Variants in COL24A1 observed in about 807,000 individuals in gnomAD.
The protein encoded by COL24A1 is collagen type XXIV alpha 1 chain.
Under a neutral mutation model 253.9 loss-of-function variants are expected in COL24A1, and 224 were observed. That is an observed-to-expected ratio of 0.88 (90% CI 0.79 to 0.99). The LOEUF is 0.99. Ranked by LOEUF, COL24A1 falls within the 50% of genes least tolerant of loss-of-function variation. The pLI is 0.00. For missense variants in COL24A1, 2,131 were observed against 2,068.5 expected, an observed-to-expected ratio of 1.03 and a Z score of -0.59; for synonymous variants, 685 against 673.7, an observed-to-expected ratio of 1.02 and a Z score of -0.26.
intron 53 of COL24A1, among the ~76,000 whole-genome samples, chr1:85,775,107 T>C (rs1031113404): frequency 6.6e-6 from 1 of 152,238 alleles, no homozygotes; most frequent in Non-Finnish European, 1.5e-5. Context: ...CATCTTTATT[T>C]CTGCCTTTAT....
At chr1:85,959,049 A>T (rs1352942920) in intron 24 of COL24A1, among the ~76,000 whole-genome samples, 1 of 152,178 alleles carries the variant, frequency 6.6e-6, no homozygotes, top group Non-Finnish European at 1.5e-5. Context: ...ATACAAAAAG[A>T]TTGAACAAAG....
chr1:85,782,344 T>C (rs995476082), intron 51 of COL24A1, among the ~76,000 whole-genome samples: 3 of 152,240 alleles, frequency 2.0e-5, no homozygotes, highest in Non-Finnish European at 2.9e-5. Flanking sequence ...CGCCTTGGCC[T>C]CCCAAAGTGC....
chr1:86,065,922 G>T (rs1701442043), intron 7 of COL24A1, among the ~76,000 whole-genome samples: 2 of 152,092 alleles, frequency 1.3e-5, no homozygotes, highest in South Asian at 2.1e-4. Context: ...GGAAGAGTAG[G>T]GTCGCTGAGA....
At chr1:85,748,566 C>T (rs1469899551) in intron 55 of COL24A1, among the ~76,000 whole-genome samples, 1 of 151,862 alleles carries the variant, frequency 6.6e-6, no homozygotes, top group Non-Finnish European at 1.5e-5. Flanking sequence ...CGGTCTACAG[C>T]TCCCAGCGTG....
intron 37 of COL24A1, among the ~76,000 whole-genome samples, chr1:85,851,068 T>C (rs1677717613): frequency 6.6e-6 from 1 of 150,866 alleles, no homozygotes. Context: ...AAACATATAC[T>C]TATCCAAACT....
intron 52 of COL24A1, among the ~76,000 whole-genome samples, chr1:85,779,184 T>C (rs763611642): frequency 2.6e-4 from 39 of 152,032 alleles, no homozygotes; most frequent in Non-Finnish European, 5.1e-4. Flanking sequence ...TTTATTTTTA[T>C]ATGATGGGGG....
chr1:85,903,537 T>C (rs1684527584), intron 28 of COL24A1, among the ~76,000 whole-genome samples: 1 of 152,132 alleles, frequency 6.6e-6, no homozygotes. Flanking sequence ...TTTAAAAATA[T>C]CTCATGGATA....
intron 19 of COL24A1, among the ~76,000 whole-genome samples, chr1:86,016,086 G>T (rs1214691256): frequency 6.6e-6 from 1 of 151,418 alleles, no homozygotes; most frequent in Non-Finnish European, 1.5e-5. Flanking sequence ...TGTTGCTAGG[G>T]CTGGTCTAGA....
rs781487282 is a variant in COL24A1, at chr1:85,784,182, A to G, written c.4168-16T>C. ...CATATTCTCCCTGCAAAGTGAATTGACATGATAATAATTATTGTACAATGG... is the reference window on the plus strand; with the variant it reads ...CATATTCTCCCTGCAAAGTGAATTGGCATGATAATAATTATTGTACAATGG... On this transcript the variant is annotated splice_polypyrimidine_tract_variant and intron_variant, in intron 49 of 59. Transcript: ENST00000370571. The G allele has an allele frequency of 5.0e-6, 8 of 1,613,180 alleles. No individual in the cohort carries two copies. The highest frequency in any genetic ancestry group is 4.4e-5 in the South Asian group (4 of 91,036).
chr1:86,026,745 A>G (rs1698068401), intron 14 of COL24A1, among the ~76,000 whole-genome samples: 1 of 152,184 alleles, frequency 6.6e-6, no homozygotes, highest in Non-Finnish European at 1.5e-5. Flanking sequence ...TGTGAAAGCA[A>G]CTTTGGAACT....
intron 53 of COL24A1, among the ~76,000 whole-genome samples, chr1:85,766,546 G>A (rs989381141): frequency 3.3e-5 from 5 of 151,992 alleles, no homozygotes; most frequent in Non-Finnish European, 5.9e-5. Context: ...CTCAGTGGTG[G>A]AAAGGACCTA....
chr1:86,098,471 A>G (rs1171956404), intron 5 of COL24A1, among the ~76,000 whole-genome samples: 1 of 152,210 alleles, frequency 6.6e-6, no homozygotes, highest in African/African-American at 2.4e-5. Flanking sequence ...AAAGAGCTCA[A>G]CAGAAGCAGG....
chr1:85,761,840 A>G (rs1666880789), intron 53 of COL24A1, among the ~76,000 whole-genome samples: 1 of 152,140 alleles, frequency 6.6e-6, no homozygotes, highest in African/African-American at 2.4e-5. Flanking sequence ...ATTTTAAAAT[A>G]TTAGTATTGT....
chr1:86,116,196 T>G (rs1010311142), intron 3 of COL24A1, among the ~76,000 whole-genome samples: 1 of 152,212 alleles, frequency 6.6e-6, no homozygotes, highest in South Asian at 2.1e-4. Context: ...CTCTGTGATA[T>G]GGCATTGTTC....
chr1:85,901,171 A>G (rs1684248129), intron 28 of COL24A1, among the ~76,000 whole-genome samples: 1 of 152,200 alleles, frequency 6.6e-6, no homozygotes, highest in Non-Finnish European at 1.5e-5. Flanking sequence ...ACAAGGAACT[A>G]TATATCCAGA....
At chr1:86,068,792 T>A (rs1025150249) in intron 7 of COL24A1, among the ~76,000 whole-genome samples, 9 of 151,842 alleles carry the variant, frequency 5.9e-5, no homozygotes, top group Non-Finnish European at 1.2e-4. Context: ...TCAGCCACAG[T>A]GTAATAGAGC....
chr1:85,845,331 C>T (rs1486062098), intron 39 of COL24A1, among the ~76,000 whole-genome samples: 2 of 151,638 alleles, frequency 1.3e-5, no homozygotes, highest in African/African-American at 4.8e-5. Flanking sequence ...ATGGGATTAT[C>T]TAAAAAAATG....
chr1:86,034,972 T>C (rs1383465722), intron 12 of COL24A1, among the ~76,000 whole-genome samples: 1 of 152,168 alleles, frequency 6.6e-6, no homozygotes, highest in Non-Finnish European at 1.5e-5. Flanking sequence ...TAGATTCTTA[T>C]AATCTCTTTA....
chr1:85,828,959 T>G (rs1674789964), intron 43 of COL24A1, among the ~76,000 whole-genome samples: 2 of 151,628 alleles, frequency 1.3e-5, no homozygotes, highest in South Asian at 4.2e-4. Context: ...AATTTGATCC[T>G]GTCATTATGC....
Sources: gnomAD v4.1 joint callset for allele counts (sites outside exome capture counted in the v4.1 genomes callset) on GRCh38, gnomAD v4.1.1 for gene constraint, MANE v1.5 for transcripts, NCBI Gene and HGNC (gene_info 2026-07-23, HGNC 2026-07-21) for gene names.